STK10: variants seen among roughly 807,000 people sequenced by gnomAD.
STK10 encodes serine/threonine-protein kinase 10.
A neutral mutation model predicts 113.8 loss-of-function variants in STK10; 78 were observed. The observed-to-expected ratio is 0.69, with a 90% CI of 0.57 to 0.83. The LOEUF is 0.83. Ranked by LOEUF, STK10 falls within the 40% of genes least tolerant of loss-of-function variation. The pLI is 0.00. For missense variants in STK10, 1,109 were observed against 1,280.1 expected (o/e 0.87, Z 2.04); for synonymous variants, 465 against 494.7 (o/e 0.94, Z 0.80).
At chr5:172,183,985 T>A (rs775895797) in intron 1 of STK10, among the ~76,000 whole-genome samples, 4 of 152,180 alleles carry the variant, frequency 2.6e-5, no homozygotes, top group Non-Finnish European at 4.4e-5. Flanking sequence ...TCAGGAAATC[T>A]GGAGTCAGAG....
Position 172,052,642 on chromosome 5 carries a change from G to A in STK10, c.2766+287C>T, listed in dbSNP as rs573073201. 3.9e-4 allele frequency among the ~76,000 whole-genome samples: 60 copies of A among 152,358 alleles called. 1 individual carries two copies. The highest frequency in any genetic ancestry group is 6.8e-3 in the Middle Eastern group (2 of 294). ...CAGGCTGGGCTTCTGGCCCAGCAGCGTGGCTGGTTTGACTCACTGCAGCGT... is the reference window on the plus strand; with the variant it reads ...CAGGCTGGGCTTCTGGCCCAGCAGCATGGCTGGTTTGACTCACTGCAGCGT... On this transcript the variant is annotated intron_variant, in intron 18 of 18. Coordinates refer to ENST00000176763, the MANE Select transcript of STK10 (RefSeq NM_005990.4).
intron 12 of STK10, among the ~76,000 whole-genome samples, chr5:172,077,131 G>A (rs768381507): frequency 2.0e-5 from 3 of 152,250 alleles, no homozygotes; most frequent in Non-Finnish European, 4.4e-5. Context: ...GGAACTGCAT[G>A]CTGCTGGATG....
intron 12 of STK10, among the ~76,000 whole-genome samples, chr5:172,072,994 A>G (rs2113717685): frequency 6.6e-6 from 1 of 152,262 alleles, no homozygotes; most frequent in East Asian, 1.9e-4. Context: ...TTCTTTTCCA[A>G]GTTGGGTTTT....
In STK10 at chr5:172,135,222, CAT is replaced by C. The variant is rs543231213; in HGVS notation, c.322-7803_322-7802del. On this transcript the variant is annotated intron_variant, in intron 2 of 18. Transcript: ENST00000176763. ...ATGCTAGAATGCTCAGAATTAAAAA[CAT>C]GAACAAGGCTGGGCACGGTGGCTCA... 1.7e-3 allele frequency among the ~76,000 whole-genome samples: 258 copies of C among 152,156 alleles called. 2 individuals carry two copies. Among genetic ancestry groups the C allele is most frequent in the African/African-American group, 5.8e-3 (242 of 41,522 alleles).
At chr5:172,181,513 C>T (rs922688497) in intron 1 of STK10, among the ~76,000 whole-genome samples, 21 of 150,720 alleles carry the variant, frequency 1.4e-4, no homozygotes, top group Admixed American at 8.6e-4. Context: ...GACAGAGTCT[C>T]GCTGTGTCAC....
At chr5:172,146,085 A>G in intron 2 of STK10, among the ~76,000 whole-genome samples, 1 of 152,058 alleles carries the variant, frequency 6.6e-6, no homozygotes, top group Non-Finnish European at 1.5e-5. Flanking sequence ...CAACTCACAT[A>G]CTATACGCCT....
chr5:172,070,747 A>G (rs2113714472), intron 12 of STK10, among the ~76,000 whole-genome samples: 1 of 151,962 alleles, frequency 6.6e-6, no homozygotes, highest in South Asian at 2.1e-4. Context: ...GGAGGAGGAG[A>G]AGGAGGATGA....
intron 3 of STK10, among the ~76,000 whole-genome samples, chr5:172,124,884 A>T (rs1179927574): frequency 2.0e-5 from 3 of 150,422 alleles, no homozygotes; most frequent in Admixed American, 6.6e-5. Flanking sequence ...GTATATATAT[A>T]TTTTTTTCCC....
At chr5:172,090,634 T>C (rs1033332011) in intron 9 of STK10, among the ~76,000 whole-genome samples, 1 of 152,020 alleles carries the variant, frequency 6.6e-6, no homozygotes, top group African/African-American at 2.4e-5. Flanking sequence ...CAGGACATGG[T>C]GTCAGAAAGA....
At chr5:172,149,936 AC>A (rs890699111) in intron 2 of STK10, among the ~76,000 whole-genome samples, 5 of 150,788 alleles carry the variant, frequency 3.3e-5, no homozygotes, top group Non-Finnish European at 7.4e-5. Flanking sequence ...AATCCCAGCT[AC>A]TCGGGAGGCT....
intron 1 of STK10, among the ~76,000 whole-genome samples, chr5:172,175,252 C>T (rs1007493302): frequency 2.6e-5 from 4 of 152,032 alleles, no homozygotes; most frequent in Admixed American, 6.6e-5. Context: ...CCTAGCCACC[C>T]GAAGTGCCAG....
At chr5:172,179,364 C>T (rs1770810859) in intron 1 of STK10, among the ~76,000 whole-genome samples, 1 of 152,190 alleles carries the variant, frequency 6.6e-6, no homozygotes, top group Non-Finnish European at 1.5e-5. Context: ...TTCCACTACC[C>T]TCAGCAGCAG....
At chr5:172,175,577 T>C (rs1239643648) in intron 1 of STK10, among the ~76,000 whole-genome samples, 1 of 151,774 alleles carries the variant, frequency 6.6e-6, no homozygotes, top group Non-Finnish European at 1.5e-5. Flanking sequence ...CCACTTCCTG[T>C]GCTAGTCCTG....
Position 172,044,656 on chromosome 5 carries a change from A to T in STK10, c.*226T>A. 1 of 631,212 alleles carries T rather than the reference A, an allele frequency of 1.6e-6. No homozygotes were observed. The highest frequency in any genetic ancestry group is 2.7e-6 in the Non-Finnish European group (1 of 367,170). The allele number at this position is 631,212 out of a possible 1,614,324, so 39.1% of individuals were successfully genotyped here. A position where few individuals can be genotyped will look rare whatever the true frequency, so the allele number is the denominator to read the frequency against. ...CTGGGGCTCAAGGAGAATATACATT[A>T]GGTTCAGGTGACAAATAATTACACC... On this transcript the variant is annotated 3_prime_UTR_variant, in exon 19 of 19. Transcript: ENST00000176763. The surrounding 1 kb of genome is among the most constrained non-coding windows in gnomAD (Gnocchi z 4.5).
At position 172,096,498 on chromosome 5, in the gene STK10, C is replaced by G. The variant is rs1768858363; in HGVS notation, c.933G>C (p.Lys311Asn). 6.2e-7 allele frequency: 1 copy of G among 1,613,820 alleles called. No homozygotes were observed. The highest frequency in any genetic ancestry group is 1.6e-4 in the Middle Eastern group (1 of 6,062). The change falls in exon 8 of 19, where the codon AAG (lysine) becomes AAC (asparagine). Residue 311 changes from lysine to asparagine, a missense_variant. Around this residue, in one of 5 missense-constraint regions of STK10, gnomAD observed 885 missense variants for 991.1 expected, o/e 0.89. Transcript: ENST00000176763. ...KALRELVAEA[K>N]AEVMEEIEDG... ...CTTCGATCTCTTCCATCACCTCGGC[C>G]TTGGCCTCAGCCACCAGCTCCCGCA...
Position 172,090,336 on chromosome 5 carries a change from G to C in STK10, c.1581C>G (p.Leu527=). The C allele has an allele frequency of 1.2e-6, 2 of 1,613,982 alleles. No homozygotes were observed. Among genetic ancestry groups the C allele is most frequent in the Middle Eastern group, 1.7e-4 (1 of 6,056 alleles). The change falls in exon 10 of 19, where the codon CTC becomes CTG. Residue 527 remains leucine, a synonymous_variant. Coordinates refer to ENST00000176763, the MANE Select transcript of STK10 (RefSeq NM_005990.4). ...IKDPKLYKKT[L]KRTRKFVVDG... ...CCACCACAAATTTGCGTGTCCGCTT[G>C]AGGGTTTTTTTGTACAGTTTCGGGT... is the stretch of plus-strand genomic sequence containing the variant.
At position 172,135,498 on chromosome 5, in the gene STK10, C is replaced by T. The variant is rs184650433; in HGVS notation, c.322-8077G>A. On this transcript the variant is annotated intron_variant, in intron 2 of 18. Coordinates refer to ENST00000176763, the MANE Select transcript of STK10 (RefSeq NM_005990.4). ...CTGCACTCCAGCCTGGGAGACAGAG[C>T]GAGACTCCATCTCAAAAAACAAAAG... Among the ~76,000 whole-genome samples the T allele has an allele frequency of 9.9e-5, 15 of 151,584 alleles. 1 individual carries two copies. The East Asian group carries it at 1.8e-3, about 18-fold the overall frequency.
At chr5:172,121,220 G>A (rs1200631578) in intron 3 of STK10, among the ~76,000 whole-genome samples, 6 of 151,840 alleles carry the variant, frequency 4.0e-5, no homozygotes, top group East Asian at 1.9e-4. Context: ...TAGTAGAGAC[G>A]GGGTTTCACC....
Position 172,102,027 on chromosome 5 carries a change from G to T in STK10, c.870+3629C>A, listed in dbSNP as rs989215287. Among the ~76,000 whole-genome samples, 4 of 152,288 alleles carry T rather than the reference G, an allele frequency of 2.6e-5. No individual in the cohort carries two copies. In the East Asian group the frequency reaches 7.7e-4, roughly 29 times the overall value. On this transcript the variant is annotated intron_variant, in intron 7 of 18. Coordinates refer to ENST00000176763, the MANE Select transcript of STK10 (RefSeq NM_005990.4). ...CCTGAGACTCTGGGTTTTCCCTAGA[G>T]TGAAACGGGAGCCACTGGGGAGCTT...
Sources: gnomAD v4.1 joint callset for allele counts (sites outside exome capture counted in the v4.1 genomes callset) on GRCh38, gnomAD v4.1.1 for gene constraint, gnomAD v4.1.1 regional missense constraint, Gnocchi (gnomAD v3.1) non-coding constraint, MANE v1.5 for transcripts, NCBI Gene and HGNC (gene_info 2026-07-23, HGNC 2026-07-21) for gene names.